The following MCM3 variants were observed in gnomAD, a reference collection of about 807,000 sequenced individuals.
MCM3 encodes DNA replication licensing factor MCM3.
A neutral mutation model predicts 91.3 loss-of-function variants in MCM3; 59 were observed. The observed-to-expected ratio is 0.65, with a 90% CI of 0.52 to 0.80. MCM3 has a LOEUF of 0.80. MCM3 is among the 30% of genes least tolerant of loss of function. The probability of loss-of-function intolerance (pLI) is 0.00; values close to 1 mark genes in which losing one functional copy is unlikely to be tolerated. For synonymous variants in MCM3, 383 were observed against 379.6 expected, an observed-to-expected ratio of 1.01 and a Z score of -0.10; for missense variants, 919 against 1,035.4, an observed-to-expected ratio of 0.89 and a Z score of 1.54.
chr6:52,284,670 G>T lies in MCM3; in HGVS notation c.5C>A (p.Ala2Glu), dbSNP rs754556530. The T allele has an allele frequency of 6.2e-7, 1 of 1,606,692 alleles. No individual in the cohort carries two copies. Among genetic ancestry groups the T allele is most frequent in the East Asian group, 2.2e-5 (1 of 44,472 alleles). MAGTVVLDDVEL... is the reference protein window; with the variant it reads MEGTVVLDDVEL... ...CACATCGTCCAGCACCACGGTACCC[G>T]CCATGCCCGCTGCCAAAGAACTACC... Residue 2 changes from alanine to glutamate, a missense_variant, in exon 1 of 17, where the codon GCG becomes GAG. This residue lies in a region of MCM3 where 401 missense variants were observed against 402.7 expected (regional missense o/e 1.00). Coordinates refer to ENST00000596288, the MANE Select transcript of MCM3 (RefSeq NM_002388.6).
chr6:52,276,190 A>G (rs1765542668), intron 9 of MCM3, 78 bp downstream of exon 9: 2 of 1,334,990 alleles, frequency 1.5e-6, no homozygotes, highest in Non-Finnish European at 2.1e-6. Flanking sequence ...TGGGTCACCT[A>G]GAATACACTT....
rs548742111 is a variant in MCM3 at position 52,284,676 on chromosome 6, C to A, written c.-2G>T. 4.4e-6 allele frequency: 7 copies of A among 1,606,334 alleles called. No individual in the cohort carries two copies. On this transcript the variant is annotated 5_prime_UTR_variant, in exon 1 of 17. Coordinates refer to ENST00000596288, the MANE Select transcript of MCM3 (RefSeq NM_002388.6). ...GTCCAGCACCACGGTACCCGCCATG[C>A]CCGCTGCCAAAGAACTACCTCCACC...
At chr6:52,270,504 C>T (rs1765040231) in intron 12 of MCM3, among the ~76,000 whole-genome samples, 1 of 152,126 alleles carries the variant, frequency 6.6e-6, no homozygotes, top group African/African-American at 2.4e-5. Context: ...CATTTAAATT[C>T]ATTCATCAAA....
At chr6:52,270,343 AAAG>A (rs1765020280) in intron 12 of MCM3, among the ~76,000 whole-genome samples, 1 of 151,204 alleles carries the variant, frequency 6.6e-6, no homozygotes, top group African/African-American at 2.4e-5. Flanking sequence ...AAAAAAAAAA[AAAG>A]AAAAAAAAAG....
Position 52,266,109 on chromosome 6 carries a change from T to C in MCM3, c.2194A>G (p.Lys732Glu), listed in dbSNP as rs545032622. The C allele has an allele frequency of 6.2e-7, 1 of 1,614,138 alleles. No individual in the cohort carries two copies. The highest frequency in any genetic ancestry group is 1.1e-5 in the South Asian group (1 of 91,078). Reference protein sequence around the residue: ...TPKTADSQETKESQKVELSES... With the variant: ...TPKTADSQETEESQKVELSES... Reference sequence around the variant, plus strand: ...CTCAACTCCACTTTCTGGGATTCCTTGGTCTCCTGTGAGTCTGCCGTCTTT... The same window carrying C: ...CTCAACTCCACTTTCTGGGATTCCTCGGTCTCCTGTGAGTCTGCCGTCTTT... The change falls in exon 16 of 17, where the codon AAG (lysine) becomes GAG (glutamate). Residue 732 changes from lysine (K) to glutamate (E), a missense_variant. Transcript: ENST00000596288.
intron 13 of MCM3, among the ~76,000 whole-genome samples, chr6:52,268,333 G>GT (rs1764811108): frequency 6.6e-6 from 1 of 152,224 alleles, no homozygotes; most frequent in Non-Finnish European, 1.5e-5. Context: ...GCGAGGAAGA[G>GT]TTTATCAGAC....
At position 52,274,003 on chromosome 6, in the gene MCM3, G is replaced by C. The variant is rs180866129; in HGVS notation, c.1375-87C>G. ...CTGCTGCAGTTCTGGGAGTGGGAAT[G>C]AAAGGCTTGACCTCAAAGAGCAAAA... On this transcript the variant is annotated intron_variant, in intron 9 of 16. Coordinates refer to ENST00000596288, the MANE Select transcript of MCM3 (RefSeq NM_002388.6). The C allele has an allele frequency of 3.6e-4, 390 of 1,073,436 alleles. 1 individual carries two copies. In the African/African-American group the frequency reaches 5.4e-3, roughly 15 times the overall value. The allele number at this position is 1,073,436 out of a possible 1,614,324, so 66.5% of individuals were successfully genotyped here. A position where few individuals can be genotyped will look rare whatever the true frequency, so the allele number is the denominator to read the frequency against.
Position 52,275,703 on chromosome 6 carries a change from T to C in MCM3, c.1374+565A>G, listed in dbSNP as rs566896634. Among the ~76,000 whole-genome samples, 38 of 152,096 alleles carry C rather than the reference T, an allele frequency of 2.5e-4. 1 individual carries two copies. Among genetic ancestry groups the C allele is most frequent in the Non-Finnish European group, 4.6e-4 (31 of 68,002 alleles). ...ATCAGATGGAGACTAGTTAAATACATCCCTGTGACGGAATACTAGAAATCT... is the reference window on the plus strand; with the variant it reads ...ATCAGATGGAGACTAGTTAAATACACCCCTGTGACGGAATACTAGAAATCT... On this transcript the variant is annotated intron_variant, in intron 9 of 16. Transcript: ENST00000596288.
chr6:52,282,831 A>T lies in MCM3; in HGVS notation c.222T>A (p.Val74=), dbSNP rs772531911. 6.2e-7 allele frequency: 1 copy of T among 1,614,132 alleles called. No homozygotes were observed. Among genetic ancestry groups the T allele is most frequent in the South Asian group, 1.1e-5 (1 of 91,082 alleles). ...RLLNNAFEEL[V]AFQRALKDFV... ...AATCCTTTAAGGCCCGCTGGAAGGC[A>T]ACCAGCTCCTCAAAGGCATTGTTCA... The change falls in exon 3 of 17, where the codon GTT becomes GTA. Residue 74 remains valine (V), a synonymous_variant. Transcript: ENST00000596288.
At chr6:52,275,485 T>A (rs977533670) in intron 9 of MCM3, among the ~76,000 whole-genome samples, 9 of 152,260 alleles carry the variant, frequency 5.9e-5, no homozygotes, top group African/African-American at 2.2e-4. Flanking sequence ...AGTATTAATA[T>A]GGTACAATCT....
In MCM3 at chr6:52,273,777, T is replaced by G. The variant is rs751151890; in HGVS notation, c.1514A>C (p.His505Pro). ...CTGCTCCCCAGGTGCTCTGTAACGG[T>G]GCATCCGAAGGACATGGTCTGAGAT... is the stretch of plus-strand genomic sequence containing the variant. ...REISDHVLRM[H>P]RYRAPGEQDG... Residue 505 changes from histidine to proline, a missense_variant, in exon 10 of 17, where the codon CAC (histidine) becomes CCC (proline). By Grantham distance (77) the His-to-Pro change is moderately conservative. This residue lies in a region of MCM3 where 233 missense variants were observed against 321.2 expected (regional missense o/e 0.73). Transcript: ENST00000596288. 2 of 1,613,622 alleles carry G rather than the reference T, an allele frequency of 1.2e-6. No individual in the cohort carries two copies. The highest frequency in any genetic ancestry group is 2.2e-5 in the East Asian group (1 of 44,874).
In MCM3 at chr6:52,272,471, A is replaced by C; in HGVS notation, c.1677-20T>G. On this transcript the variant is annotated intron_variant, in intron 11 of 16. Coordinates refer to ENST00000596288, the MANE Select transcript of MCM3 (RefSeq NM_002388.6). ...TTCTCCCTGGAGCCACACACAGTGA[A>C]TTCCATCTCCCTGCCACACCTTACC... 1.2e-6 allele frequency: 2 copies of C among 1,613,632 alleles called. No homozygotes were observed. Among genetic ancestry groups the C allele is most frequent in the Non-Finnish European group, 1.7e-6 (2 of 1,179,724 alleles).
At position 52,267,096 on chromosome 6, in the gene MCM3, C is replaced by CTTTTTTTTTTTTTTTTT. The variant is rs70977337; in HGVS notation, c.2073-401_2073-400insAAAAAAAAAAAAAAAAA. Among the ~76,000 whole-genome samples, 18 of 111,570 alleles carry CTTTTTTTTTTTTTTTTT rather than the reference C, an allele frequency of 1.6e-4. 1 individual carries two copies. Among genetic ancestry groups the CTTTTTTTTTTTTTTTTT allele is most frequent in the African/African-American group, 5.4e-4 (16 of 29,692 alleles). 73.2% of individuals were successfully genotyped at this position (111,570 alleles called of 152,430 possible). A position where few individuals can be genotyped will look rare whatever the true frequency, so the allele number is the denominator to read the frequency against. On this transcript the variant is annotated intron_variant, in intron 14 of 16. Coordinates refer to ENST00000596288, the MANE Select transcript of MCM3 (RefSeq NM_002388.6). ...CCTTCTCTTTTACCCAGGGTATCTT[C>CTTTTTTTTTTTTTTTTT]TTTTTTTTTTTTTTTTGAGACGGAC...
chr6:52,284,602 C>T lies in MCM3; in HGVS notation c.73G>A (p.Asp25Asn). 1 of 1,607,394 alleles carries T rather than the reference C, an allele frequency of 6.2e-7. No individual in the cohort carries two copies. Among genetic ancestry groups the T allele is most frequent in the South Asian group, 1.1e-5 (1 of 90,256 alleles). Residue 25 changes from aspartate to asparagine, a missense_variant, in exon 1 of 17, where the codon GAC becomes AAC. Transcript: ENST00000596288. ...AQRDYLDFLD[D>N]EEDQGIYQSK... ...CGCGCCGGCGCCTCCCTCACCTCGTCGTCCAGGAAGTCCAGGTAATCTCTC... is the reference window on the plus strand; with the variant it reads ...CGCGCCGGCGCCTCCCTCACCTCGTTGTCCAGGAAGTCCAGGTAATCTCTC...
At chr6:52,284,537 G>A in intron 1 of MCM3, 60 bp downstream of exon 1, 1 of 1,501,200 alleles carries the variant, frequency 6.7e-7, no homozygotes, top group South Asian at 1.2e-5. Context: ...TGGCTTCCCG[G>A]CCGGGCCGCG....
At chr6:52,274,441 A>G (rs1443899061) in intron 9 of MCM3, among the ~76,000 whole-genome samples, 3 of 152,184 alleles carry the variant, frequency 2.0e-5, no homozygotes, top group African/African-American at 7.2e-5. Flanking sequence ...GCACTTTGGG[A>G]GTCTGAGGCA....
In MCM3 at chr6:52,267,923, A is replaced by G. The variant is rs2128275616; in HGVS notation, c.2014T>C (p.Ser672Pro). ...TTCTCCTCTTCATCTTCTGTCTCTGATTCATCCTCACTTCGCTTCTTACGT... is the reference window on the plus strand; with the variant it reads ...TTCTCCTCTTCATCTTCTGTCTCTGGTTCATCCTCACTTCGCTTCTTACGT... ...KKRKKRSEDESETEDEEEKSQ... is the reference protein window; with the variant it reads ...KKRKKRSEDEPETEDEEEKSQ... Residue 672 changes from serine (S) to proline (P), a missense_variant, in exon 14 of 17, where the codon TCA becomes CCA. Physicochemically the swap from Ser to Pro is moderately conservative, Grantham distance 74 (BLOSUM62 -1). Transcript: ENST00000596288. The G allele has an allele frequency of 6.5e-7, 1 of 1,543,394 alleles. No individual in the cohort carries two copies. The highest frequency in any genetic ancestry group is 1.1e-5 in the South Asian group (1 of 89,412).
chr6:52,284,285 G>A (rs1411706453), intron 1 of MCM3, among the ~76,000 whole-genome samples: 2 of 152,218 alleles, frequency 1.3e-5, no homozygotes, highest in Non-Finnish European at 2.9e-5. Context: ...CAAATCAAGA[G>A]AGAGCAGTGA....
intron 9 of MCM3, among the ~76,000 whole-genome samples, chr6:52,274,526 A>G (rs1446749642): frequency 6.6e-6 from 1 of 151,960 alleles, no homozygotes; most frequent in Non-Finnish European, 1.5e-5. Context: ...AAAAACTTAA[A>G]AAGAAAAAAA....
Sources: gnomAD v4.1 joint callset for allele counts (sites outside exome capture counted in the v4.1 genomes callset) on GRCh38, gnomAD v4.1.1 for gene constraint, gnomAD v4.1.1 regional missense constraint, MANE v1.5 for transcripts, NCBI Gene and HGNC (gene_info 2026-07-23, HGNC 2026-07-21) for gene names.